ETFBKMT: variants seen among roughly 807,000 people sequenced by gnomAD.
ETFBKMT encodes electron transfer flavoprotein beta subunit lysine methyltransferase.
A neutral mutation model predicts 18.3 loss-of-function variants in ETFBKMT; 13 were observed. The observed-to-expected ratio is 0.71, with a 90% confidence interval of 0.46 to 1.13. The LOEUF (loss-of-function observed/expected upper bound fraction) is 1.13. Among genes scored for constraint, ETFBKMT ranks in the 50% most tolerant of loss-of-function variants. The probability of loss-of-function intolerance (pLI) is 0.00; values close to 1 mark genes in which losing one functional copy is unlikely to be tolerated. For synonymous variants in ETFBKMT, 84 were observed against 107.9 expected (o/e 0.78, Z 1.37); for missense variants, 293 against 306.2 (o/e 0.96, Z 0.32).
At chr12:31,654,281 C>T (rs180692434), upstream of ETFBKMT, among the ~76,000 whole-genome samples, 42 of 152,258 alleles carry the variant, frequency 2.8e-4, no homozygotes, top group African/African-American at 9.9e-4. Context: ...AACTCCTGAC[C>T]TCAGGTGATC....
chr12:31,661,838 CAG>C lies in ETFBKMT; in HGVS notation c.-113_-112del, dbSNP rs1951128341. 5 of 850,112 alleles carry C rather than the reference CAG, an allele frequency of 5.9e-6. No individual in the cohort carries two copies. The highest frequency in any genetic ancestry group is 1.7e-5 in the South Asian group (1 of 57,932). 52.7% of individuals were successfully genotyped at this position (850,112 alleles called of 1,614,324 possible). ...TCAGTATTACTTTTCTTTTTTTTTT[CAG>C]AGTCAGAGGTTCCGGTTGAGATCAA... is the stretch of plus-strand genomic sequence containing the variant. On this transcript the variant is annotated splice_acceptor_variant, in intron 1 of 3. Transcript: ENST00000357721. LOFTEE classifies it low-confidence loss of function (5UTR_SPLICE).
At chr12:31,658,433 A>G (rs1214270232), upstream of ETFBKMT, among the ~76,000 whole-genome samples, 1 of 152,226 alleles carries the variant, frequency 6.6e-6, no homozygotes, top group African/African-American at 2.4e-5. Context: ...CCATTCAACT[A>G]AGAAAGAAAT....
chr12:31,655,426 G>A (rs1324375757), upstream of ETFBKMT, among the ~76,000 whole-genome samples: 2 of 152,086 alleles, frequency 1.3e-5, no homozygotes, highest in African/African-American at 4.8e-5. Context: ...CCATAAACAA[G>A]GACATGTCAA....
At chr12:31,656,656 G>GT (rs1951064717), upstream of ETFBKMT, among the ~76,000 whole-genome samples, 1 of 152,166 alleles carries the variant, frequency 6.6e-6, no homozygotes, top group Non-Finnish European at 1.5e-5. Context: ...CCTGCTAATA[G>GT]CTCATCCTTA....
chr12:31,659,009 T>C (rs529614296), upstream of ETFBKMT, among the ~76,000 whole-genome samples: 7 of 150,290 alleles, frequency 4.7e-5, no homozygotes, highest in East Asian at 1.0e-3. Flanking sequence ...GACTGGCACA[T>C]AGTAGGTGTT....
At chr12:31,652,094 A>G (rs1224900584) in intron 1 of ETFBKMT, among the ~76,000 whole-genome samples, 6 of 152,198 alleles carry the variant, frequency 3.9e-5, no homozygotes, top group Non-Finnish European at 8.8e-5. Context: ...TCCCCTGCGC[A>G]CAGTGTAAAC....
Position 31,669,096 on chromosome 12 carries a change from T to C in ETFBKMT, c.*1106T>C, listed in dbSNP as rs185581273. The C allele has an allele frequency of 6.6e-6, 1 of 152,328 alleles. No individual in the cohort carries two copies. Among genetic ancestry groups the C allele is most frequent in the Non-Finnish European group, 1.5e-5 (1 of 68,034 alleles). The allele number at this position is 152,328 out of a possible 1,614,324, so 9.4% of individuals were successfully genotyped here. On this transcript the variant is annotated 3_prime_UTR_variant, in exon 4 of 4. Transcript: ENST00000357721. ...CAAGTAAACTAAGGTAGCATGAGGT[T>C]TTAAAATCTGGGTAGGGCTACTGTT...
At chr12:31,666,760 C>A (rs993883076) in intron 3 of ETFBKMT, among the ~76,000 whole-genome samples, 1 of 151,928 alleles carries the variant, frequency 6.6e-6, no homozygotes, top group African/African-American at 2.4e-5. Context: ...ACACCATTCT[C>A]CTGCCTCAGC....
upstream of ETFBKMT, among the ~76,000 whole-genome samples, chr12:31,658,194 C>T (rs1188806068): frequency 6.6e-6 from 1 of 152,142 alleles, no homozygotes; most frequent in Non-Finnish European, 1.5e-5. Flanking sequence ...TGATCTTGAA[C>T]ATGGATCAAG....
chr12:31,667,654 A>C lies in ETFBKMT; in HGVS notation c.453A>C (p.Gly151=). The change falls in exon 4 of 4, where the codon GGA becomes GGC. Residue 151 remains glycine, a synonymous_variant. Transcript: ENST00000357721. ...GCTTTTTTTTTTTTTAAGTTGCAGG[A>C]ATGGCTATTACACTAAATTGTGAAT... ...ILANDIDPIA[G]MAITLNCELN... 6.3e-7 allele frequency: 1 copy of C among 1,591,270 alleles called. No homozygotes were observed. The highest frequency in any genetic ancestry group is 2.2e-5 in the East Asian group (1 of 44,708).
chr12:31,648,720 C>A (rs992221767), intron 1 of ETFBKMT, among the ~76,000 whole-genome samples: 1 of 152,074 alleles, frequency 6.6e-6, no homozygotes, highest in African/African-American at 2.4e-5. Context: ...CACCACCACG[C>A]CTGGCTAAGT....
chr12:31,654,376 C>A (rs1225812314), upstream of ETFBKMT, among the ~76,000 whole-genome samples: 1 of 152,178 alleles, frequency 6.6e-6, no homozygotes, highest in Admixed American at 6.5e-5. Flanking sequence ...AAAAAGTTTG[C>A]AGTTAATCAT....
Position 31,667,955 on chromosome 12 carries a change from C to T in ETFBKMT, c.754C>T (p.Leu252=), listed in dbSNP as rs753766062. The change falls in exon 4 of 4, where the codon CTG becomes TTG. Residue 252 remains leucine (L), a synonymous_variant. Coordinates refer to ENST00000357721, the MANE Select transcript of ETFBKMT (RefSeq NM_001135863.2). ...GTCTACTAGGCAGGAAAACAGTGGA[C>T]TGACAACAAGCACAGTGTGGGGTTT... is the stretch of plus-strand genomic sequence containing the variant. ...LESTRQENSG[L]TTSTVWGFQP is the part of the protein sequence containing the mutation. The T allele has an allele frequency of 1.2e-6, 2 of 1,613,984 alleles. No homozygotes were observed. The highest frequency in any genetic ancestry group is 2.7e-5 in the African/African-American group (2 of 74,912).
intron 1 of ETFBKMT, among the ~76,000 whole-genome samples, chr12:31,653,312 C>T (rs546706333): frequency 2.6e-5 from 4 of 151,580 alleles, no homozygotes; most frequent in Non-Finnish European, 2.9e-5. Flanking sequence ...TTTGCTTTTA[C>T]TGTTTTAGCT....
In ETFBKMT at chr12:31,670,848, T is replaced by G. The variant is rs188192986; in HGVS notation, c.*2858T>G. The G allele has an allele frequency of 6.6e-6, 1 of 152,178 alleles. No individual in the cohort carries two copies. Among genetic ancestry groups the G allele is most frequent in the Admixed American group, 6.5e-5 (1 of 15,282 alleles). The allele number at this position is 152,178 out of a possible 1,614,324, so 9.4% of individuals were successfully genotyped here. A position where few individuals can be genotyped will look rare whatever the true frequency, so the allele number is the denominator to read the frequency against. On this transcript the variant is annotated 3_prime_UTR_variant, in exon 4 of 4. Transcript: ENST00000357721. ...AAAAAAGATAAATACTTTGTCCTTA[T>G]GAAATTTGTATTCTAGAGTAGGGAG...
Position 31,661,886 on chromosome 12 carries a change from T to A in ETFBKMT, c.-68T>A. 1.4e-6 allele frequency: 2 copies of A among 1,456,162 alleles called. No individual in the cohort carries two copies. Among genetic ancestry groups the A allele is most frequent in the Non-Finnish European group, 1.9e-6 (2 of 1,058,050 alleles). The allele number at this position is 1,456,162 out of a possible 1,614,324, so 90.2% of individuals were successfully genotyped here. On this transcript the variant is annotated 5_prime_UTR_variant, in exon 2 of 4. Transcript: ENST00000357721. ...ATCAAGTTGGGAGACACACCCTTGT[T>A]CATTCTCCTTGAGAAGCAGCTATTA... is the stretch of plus-strand genomic sequence containing the variant.
In ETFBKMT at chr12:31,671,706, T is replaced by C. The variant is rs1736053353; in HGVS notation, c.*3716T>C. 6.6e-6 allele frequency: 1 copy of C among 152,202 alleles called. No homozygotes were observed. Among genetic ancestry groups the C allele is most frequent in the Non-Finnish European group, 1.5e-5 (1 of 68,028 alleles). The allele number at this position is 152,202 out of a possible 1,614,324, so 9.4% of individuals were successfully genotyped here. On this transcript the variant is annotated 3_prime_UTR_variant, in exon 4 of 4. Coordinates refer to ENST00000357721, the MANE Select transcript of ETFBKMT (RefSeq NM_001135863.2). ...AGCCATAAAAATCAATGAATGGATG[T>C]GGCTGGGCAAGAGCCTCTGTAATAC...
chr12:31,654,186 A>G lies in ETFBKMT; in HGVS notation c.-114+6931A>G, dbSNP rs189503453. On this transcript the variant is annotated intron_variant, in intron 1 of 3. Transcript: ENST00000412352. Reference sequence around the variant, plus strand: ...TGTCTCAGCCTCCTGAGTAACTGGGATTACAGGCACACGCCACCATGTCCG... The same window carrying G: ...TGTCTCAGCCTCCTGAGTAACTGGGGTTACAGGCACACGCCACCATGTCCG... Among the ~76,000 whole-genome samples the G allele has an allele frequency of 5.2e-3, 790 of 152,190 alleles. 4 individuals carry two copies. Among genetic ancestry groups the G allele is most frequent in the Admixed American group, 0.011 (168 of 15,292 alleles).
chr12:31,657,760 C>G (rs1254606137), upstream of ETFBKMT, among the ~76,000 whole-genome samples: 1 of 147,448 alleles, frequency 6.8e-6, no homozygotes, highest in African/African-American at 2.5e-5. Flanking sequence ...CCACTGCACT[C>G]CAGCCTGGGC....
Sources: gnomAD v4.1 joint callset for allele counts (sites outside exome capture counted in the v4.1 genomes callset) on GRCh38, gnomAD v4.1.1 for gene constraint, MANE v1.5 for transcripts, NCBI Gene and HGNC (gene_info 2026-07-23, HGNC 2026-07-21) for gene names.